Variants in RADX observed in about 807,000 individuals in gnomAD.
The protein encoded by RADX is RPA1 related single stranded DNA binding protein, X-linked.
RADX carries 36 observed loss-of-function variants against 61.6 expected under a neutral mutation model. The observed-to-expected ratio is 0.58, with a 90% CI of 0.45 to 0.77. The LOEUF (loss-of-function observed/expected upper bound fraction) is 0.77. Among genes scored for constraint, RADX ranks in the 30% least tolerant of loss-of-function variants. The pLI is 0.00. For synonymous variants in RADX, 272 were observed against 237.9 expected (o/e 1.14, Z -1.32); for missense variants, 497 against 651.1 (o/e 0.76, Z 2.58).
intron 13 of RADX, among the ~76,000 whole-genome samples, chrX:106,676,474 C>G (rs1456725155): frequency 8.9e-6 from 1 of 112,279 alleles, no homozygotes; most frequent in African/African-American, 3.2e-5. Context: ...AGATGTAGCT[C>G]TAGCATAAAA....
intron 13 of RADX, 31 bp downstream of exon 13, chrX:106,669,361 GAAA>G: frequency 3.6e-6 from 3 of 830,107 alleles, no homozygotes; most frequent in Non-Finnish European, 4.8e-6. Context: ...TTTTCACTCA[GAAA>G]AAAAAAAAAT....
At chrX:106,677,524 C>A (rs1415620068) in intron 13 of RADX, among the ~76,000 whole-genome samples, 1 of 103,649 alleles carries the variant, frequency 9.6e-6, no homozygotes, top group African/African-American at 3.6e-5. Context: ...TTCTGAGAAG[C>A]GAATTGTCTT....
chrX:106,666,661 C>T (rs1928236346), intron 12 of RADX, among the ~76,000 whole-genome samples: 1 of 111,850 alleles, frequency 8.9e-6, no homozygotes, highest in African/African-American at 3.2e-5. Context: ...TATTAAATTA[C>T]CTTGATATCA....
chrX:106,620,471 G>C (rs1043561712), intron 1 of RADX, among the ~76,000 whole-genome samples: 7 of 110,374 alleles, frequency 6.3e-5, no homozygotes, highest in Non-Finnish European at 9.5e-5. Context: ...TCAGGAGTTC[G>C]AGACCAGCCT....
chrX:106,671,408 A>G (rs1327439154), intron 13 of RADX, among the ~76,000 whole-genome samples: 1 of 112,243 alleles, frequency 8.9e-6, no homozygotes, highest in Non-Finnish European at 1.9e-5. Context: ...AACAAACAGT[A>G]CTGCATGAAT....
rs754549518 is a variant in RADX, at chrX:106,662,112, A to G, written c.2076A>G (p.Leu692=). 21 of 1,210,422 alleles carry G rather than the reference A, an allele frequency of 1.7e-5. No individual in the cohort carries two copies. The South Asian group carries it at 3.7e-4, about 21-fold the overall frequency. ...SQLWREKKFG[L]IDHLHYSRVY... ...TGTGGAGAGAGAAAAAGTTTGGCTT[A>G]ATAGATCACCTACACTACAGCCGTG... Residue 692 remains leucine, a synonymous_variant, in exon 12 of 14, where the codon TTA becomes TTG. Coordinates refer to ENST00000372548, the MANE Select transcript of RADX (RefSeq NM_018015.6).
intron 11 of RADX, among the ~76,000 whole-genome samples, chrX:106,653,010 C>G (rs1293526903): frequency 1.0e-5 from 1 of 100,479 alleles, no homozygotes; most frequent in Non-Finnish European, 2.0e-5. Flanking sequence ...AACCTGTAAA[C>G]TTAGAATTCT....
intron 11 of RADX, among the ~76,000 whole-genome samples, chrX:106,656,907 G>A (rs5962709): frequency 0.11 from 11,945 of 111,421 alleles, 1,549 homozygotes; most frequent in African/African-American, 0.37. Flanking sequence ...TGGTAAATGA[G>A]CATTGGTTTC....
intron 11 of RADX, among the ~76,000 whole-genome samples, chrX:106,654,864 G>A (rs1927898960): frequency 9.0e-6 from 1 of 111,519 alleles, no homozygotes; most frequent in South Asian, 3.8e-4. Flanking sequence ...TCTGACAAAA[G>A]GCTAATATCC....
intron 11 of RADX, among the ~76,000 whole-genome samples, chrX:106,654,922 G>T (rs1927900229): frequency 9.0e-6 from 1 of 111,430 alleles, no homozygotes; most frequent in Non-Finnish European, 1.9e-5. Flanking sequence ...CCAAGAGAAG[G>T]CAGGAAAAGA....
chrX:106,678,278 T>C lies in RADX; in HGVS notation c.*20T>C, dbSNP rs752809897. 5 of 1,087,809 alleles carry C rather than the reference T, an allele frequency of 4.6e-6. No individual in the cohort carries two copies. Among genetic ancestry groups the C allele is most frequent in the Admixed American group, 4.5e-5 (2 of 44,858 alleles). 89.6% of individuals were successfully genotyped at this position (1,087,809 alleles called of 1,213,427 possible). ...TCTTAAAAGTTAGCAAATGAAATTA[T>C]TACAGATTATACGAGTGTACTGCTT... On this transcript the variant is annotated 3_prime_UTR_variant, in exon 14 of 14. Coordinates refer to ENST00000372548, the MANE Select transcript of RADX (RefSeq NM_018015.6).
At chrX:106,622,603 T>TA in intron 1 of RADX, 48 bp from the exon 2 acceptor site, 1 of 979,890 alleles carries the variant, frequency 1.0e-6, no homozygotes, top group Non-Finnish European at 1.4e-6. Flanking sequence ...TCTTTGAAGT[T>TA]ACCATTACAT....
chrX:106,631,770 GAGAA>G (rs1370599315), intron 3 of RADX, among the ~76,000 whole-genome samples: 7 of 98,942 alleles, frequency 7.1e-5, no homozygotes, highest in Non-Finnish European at 1.4e-4. Context: ...GGGAGAGAGA[GAGAA>G]AGAAAGAAGA....
intron 3 of RADX, among the ~76,000 whole-genome samples, chrX:106,627,625 C>G (rs1302898612): frequency 9.0e-6 from 1 of 110,774 alleles, no homozygotes; most frequent in Non-Finnish European, 1.9e-5. Flanking sequence ...TATCCCTCCC[C>G]ACTCACTCCC....
chrX:106,664,958 T>A (rs773408241), intron 12 of RADX, among the ~76,000 whole-genome samples: 1 of 111,974 alleles, frequency 8.9e-6, no homozygotes, highest in South Asian at 3.8e-4. Context: ...AAGTACTATC[T>A]GTATTCATAT....
chrX:106,637,462 T>C (rs1603044701), intron 7 of RADX, among the ~76,000 whole-genome samples: 1 of 112,196 alleles, frequency 8.9e-6, no homozygotes, highest in East Asian at 2.8e-4. Context: ...ATTTGGATGG[T>C]TAGAAAAATT....
intron 3 of RADX, among the ~76,000 whole-genome samples, chrX:106,627,770 A>G (rs1241285870): frequency 8.9e-6 from 1 of 112,247 alleles, no homozygotes; most frequent in African/African-American, 3.2e-5. Flanking sequence ...CATAAGTGGA[A>G]TCTACAAAGC....
chrX:106,616,593 T>C (rs760205727), intron 1 of RADX, among the ~76,000 whole-genome samples: 1 of 111,932 alleles, frequency 8.9e-6, no homozygotes, highest in African/African-American at 3.2e-5. Flanking sequence ...TTTGGAAGTA[T>C]AGAGATTTTA....
intron 1 of RADX, 79 bp from the exon 2 acceptor site, chrX:106,622,572 A>G (rs1926978181): frequency 2.3e-6 from 2 of 874,759 alleles, no homozygotes; most frequent in Non-Finnish European, 3.3e-6. Flanking sequence ...TCAAGCTACT[A>G]TTTTTAACCA....
Sources: gnomAD v4.1 joint callset for allele counts (sites outside exome capture counted in the v4.1 genomes callset) on GRCh38, gnomAD v4.1.1 for gene constraint, MANE v1.5 for transcripts, NCBI Gene and HGNC (gene_info 2026-07-23, HGNC 2026-07-21) for gene names.